SIPA1L2: variants seen among roughly 807,000 people sequenced by gnomAD.
SIPA1L2 encodes signal-induced proliferation-associated 1-like protein 2.
A neutral mutation model predicts 163.9 loss-of-function variants in SIPA1L2; 56 were observed. The observed-to-expected ratio is 0.34, with a 90% confidence interval of 0.28 to 0.43. The LOEUF (loss-of-function observed/expected upper bound fraction) is 0.43. Ranked by LOEUF, SIPA1L2 falls within the 20% of genes least tolerant of loss-of-function variation. The pLI, the probability that SIPA1L2 is intolerant of heterozygous loss-of-function variation, is 1.00. For missense variants in SIPA1L2, 1,974 were observed against 2,193.5 expected, an observed-to-expected ratio of 0.90 and a Z score of 2.00; for synonymous variants, 877 against 865.7, an observed-to-expected ratio of 1.01 and a Z score of -0.23.
intron 1 of SIPA1L2, among the ~76,000 whole-genome samples, chr1:232,595,251 AC>A (rs1175076949): frequency 6.6e-6 from 1 of 152,052 alleles, no homozygotes; most frequent in Non-Finnish European, 1.5e-5. Context: ...AAGAATACTT[AC>A]CCCCAGCTCA....
At chr1:232,586,455 G>C (rs1573127929) in intron 1 of SIPA1L2, among the ~76,000 whole-genome samples, 1 of 151,916 alleles carries the variant, frequency 6.6e-6, no homozygotes, top group African/African-American at 2.4e-5. Context: ...CTCCCAAAAG[G>C]CTCCAAAGAC....
intron 3 of SIPA1L2, among the ~76,000 whole-genome samples, chr1:232,497,136 CAG>C (rs1177623130): frequency 1.3e-5 from 2 of 152,174 alleles, no homozygotes; most frequent in Non-Finnish European, 2.9e-5. Flanking sequence ...GGACAGAAAA[CAG>C]AGCCATGGCT....
At chr1:232,436,598 G>T (rs1433491548) in intron 15 of SIPA1L2, among the ~76,000 whole-genome samples, 1 of 152,184 alleles carries the variant, frequency 6.6e-6, no homozygotes, top group Non-Finnish European at 1.5e-5. Flanking sequence ...AGGAAAGCAG[G>T]GGGGCTAAGG....
chr1:232,404,122 C>A lies in SIPA1L2; in HGVS notation c.4816+3G>T, dbSNP rs1358693437. The A allele has an allele frequency of 6.2e-7, 1 of 1,614,136 alleles. No homozygotes were observed. Among genetic ancestry groups the A allele is most frequent in the Non-Finnish European group, 8.5e-7 (1 of 1,180,008 alleles). On this transcript the variant is annotated splice_donor_region_variant and intron_variant, in intron 20 of 22. Transcript: ENST00000674635. ...GAGCCAACGAGCAGCCCCAGACAAT[C>A]ACCTAGATAGGACGTGTGGTGACAG... is the stretch of plus-strand genomic sequence containing the variant.
chr1:232,401,375 A>G (rs1045350792), intron 22 of SIPA1L2, among the ~76,000 whole-genome samples: 1 of 152,220 alleles, frequency 6.6e-6, no homozygotes, highest in East Asian at 1.9e-4. Flanking sequence ...CTCCAAATTC[A>G]AACGTGCTTT....
rs531129881 is a variant in SIPA1L2 at position 232,440,313 on chromosome 1, A to G, written c.3643-817T>C. Among the ~76,000 whole-genome samples the G allele has an allele frequency of 9.8e-5, 15 of 152,364 alleles. No individual in the cohort carries two copies. In the South Asian group the frequency reaches 1.9e-3, roughly 19 times the overall value. On this transcript the variant is annotated intron_variant, in intron 14 of 22. Coordinates refer to ENST00000674635, the MANE Select transcript of SIPA1L2 (RefSeq NM_020808.5). ...AGCATCAGCAAAGGGCTTTGGAATC[A>G]TAAGAACGAGCCAGGCCCCAGTAGA...
chr1:232,474,700 T>A lies in SIPA1L2; in HGVS notation c.2086-3172A>T, dbSNP rs536189588. Among the ~76,000 whole-genome samples, 4 of 152,188 alleles carry A rather than the reference T, an allele frequency of 2.6e-5. No individual in the cohort carries two copies. The East Asian group carries it at 7.7e-4, about 29-fold the overall frequency. ...GTGATCAATACACATTGTATGCAGG[T>A]ATCAAAATACAGCGTGTAACCCCAA... On this transcript the variant is annotated intron_variant, in intron 7 of 22. Coordinates refer to ENST00000674635, the MANE Select transcript of SIPA1L2 (RefSeq NM_020808.5).
intron 17 of SIPA1L2, among the ~76,000 whole-genome samples, chr1:232,426,654 C>T (rs1484392241): frequency 2.6e-5 from 4 of 151,358 alleles, no homozygotes; most frequent in East Asian, 1.9e-4. Context: ...AGCAAGACTC[C>T]GTCTTGGAAA....
chr1:232,482,624 C>G (rs1665420451), intron 6 of SIPA1L2, among the ~76,000 whole-genome samples: 1 of 152,110 alleles, frequency 6.6e-6, no homozygotes, highest in Admixed American at 6.5e-5. Context: ...GAGTTTACAC[C>G]ATCGCAGAGG....
chr1:232,612,220 C>G (rs1469542853), intron 1 of SIPA1L2, among the ~76,000 whole-genome samples: 1 of 152,228 alleles, frequency 6.6e-6, no homozygotes, highest in African/African-American at 2.4e-5. Flanking sequence ...GCTGTAGGGG[C>G]AGGCACTCAT....
chr1:232,511,160 GT>G (rs1666960866), intron 3 of SIPA1L2, among the ~76,000 whole-genome samples: 2 of 152,136 alleles, frequency 1.3e-5, no homozygotes, highest in Non-Finnish European at 2.9e-5. Flanking sequence ...GGGCATGAGG[GT>G]TATGAGTTAT....
chr1:232,431,623 T>C (rs1286338132), intron 16 of SIPA1L2, among the ~76,000 whole-genome samples: 2 of 152,178 alleles, frequency 1.3e-5, no homozygotes, highest in African/African-American at 2.4e-5. Context: ...AATAAGCAAA[T>C]AGTTCCTTAG....
chr1:232,528,102 A>ATATATATATATATATATATATCTATC (rs34779799), intron 2 of SIPA1L2, among the ~76,000 whole-genome samples: 7 of 118,494 alleles, frequency 5.9e-5, no homozygotes, highest in African/African-American at 2.1e-4. Context: ...ATATATATAT[A>ATATATATATATATATATATATCTATC]ATCAACTTTC....
chr1:232,619,297 C>G (rs1331827911), intron 1 of SIPA1L2, among the ~76,000 whole-genome samples: 1 of 152,226 alleles, frequency 6.6e-6, no homozygotes, highest in Non-Finnish European at 1.5e-5. Flanking sequence ...TTATTCTCAG[C>G]TAACCACACA....
intron 1 of SIPA1L2, among the ~76,000 whole-genome samples, chr1:232,590,581 G>C (rs994498866): frequency 4.6e-5 from 7 of 152,120 alleles, no homozygotes; most frequent in Non-Finnish European, 8.8e-5. Flanking sequence ...CCTAGCTCTC[G>C]GGCCCTACCT....
In SIPA1L2 at chr1:232,525,722, C is replaced by A. The variant is rs1197012879; in HGVS notation, c.-269-10114G>T. Among the ~76,000 whole-genome samples the A allele has an allele frequency of 2.0e-5, 3 of 152,168 alleles. 1 individual carries two copies. Among genetic ancestry groups the A allele is most frequent in the African/African-American group, 7.2e-5 (3 of 41,440 alleles). On this transcript the variant is annotated intron_variant, in intron 2 of 22. Transcript: ENST00000674635. Reference sequence around the variant, plus strand: ...GGGACCCTCAGCAGGCCACTTACTTCAGTTTCATCTGCACAATGGGGATCA... The same window carrying A: ...GGGACCCTCAGCAGGCCACTTACTTAAGTTTCATCTGCACAATGGGGATCA...
intron 2 of SIPA1L2, among the ~76,000 whole-genome samples, chr1:232,517,958 G>C (rs535066179): frequency 3.3e-5 from 5 of 152,222 alleles, no homozygotes; most frequent in African/African-American, 1.2e-4. Flanking sequence ...GAAGCAGGAG[G>C]ATCCCTTGAG....
At chr1:232,539,047 G>T (rs1657483225) in intron 2 of SIPA1L2, among the ~76,000 whole-genome samples, 1 of 152,304 alleles carries the variant, frequency 6.6e-6, no homozygotes, top group East Asian at 1.9e-4. Flanking sequence ...TCTGTTTGTG[G>T]CAACACAGAA....
intron 1 of SIPA1L2, among the ~76,000 whole-genome samples, chr1:232,617,378 G>T (rs1662556592): frequency 6.6e-6 from 1 of 152,216 alleles, no homozygotes; most frequent in Non-Finnish European, 1.5e-5. Flanking sequence ...GAAAAGGGAA[G>T]TTGAGATGTG....
Sources: allele counts gnomAD v4.1 joint callset (sites outside exome capture counted in the v4.1 genomes callset), GRCh38; gene constraint gnomAD v4.1.1; transcripts MANE v1.5; gene names NCBI Gene and HGNC (gene_info 2026-07-23, HGNC 2026-07-21).